The following ARHGEF33 variants were observed in gnomAD, a reference collection of about 807,000 sequenced individuals.
ARHGEF33 encodes the protein DH and coiled-coil domain-containing protein ENSP00000381780.
A neutral mutation model predicts 101.9 loss-of-function variants in ARHGEF33; 72 were observed. The observed-to-expected ratio is 0.71, with a 90% confidence interval of 0.58 to 0.86. The LOEUF is 0.86. Among genes scored for constraint, ARHGEF33 ranks in the 40% least tolerant of loss-of-function variants. ARHGEF33 has a pLI of 0.00. For synonymous variants in ARHGEF33, 499 were observed against 442.5 expected (o/e 1.13, Z -1.60); for missense variants, 1,169 against 1,111.3 (o/e 1.05, Z -0.74).
intron 16 of ARHGEF33, among the ~76,000 whole-genome samples, chr2:38,963,160 ATATG>A (rs985274242): frequency 6.6e-6 from 1 of 152,094 alleles, no homozygotes; most frequent in African/African-American, 2.4e-5. Flanking sequence ...CTAAGTATAT[ATATG>A]CATGTTTGTG....
chr2:38,909,506 T>C (rs1418260731), intron 2 of ARHGEF33, among the ~76,000 whole-genome samples: 1 of 149,424 alleles, frequency 6.7e-6, no homozygotes, highest in Non-Finnish European at 1.5e-5. Flanking sequence ...TTTTTTTTTT[T>C]TTTTGTATTT....
chr2:38,891,963 C>A (rs1666014915), intron 1 of ARHGEF33, among the ~76,000 whole-genome samples: 1 of 152,144 alleles, frequency 6.6e-6, no homozygotes, highest in Non-Finnish European at 1.5e-5. Context: ...AGAGAGCACT[C>A]TTCTGATTGG....
intron 2 of ARHGEF33, among the ~76,000 whole-genome samples, chr2:38,902,335 A>C (rs1292818301): frequency 6.6e-6 from 1 of 152,146 alleles, no homozygotes; most frequent in East Asian, 1.9e-4. Context: ...ATTTTATACC[A>C]CTTACTTCTG....
rs976894833 is a variant in ARHGEF33, at chr2:38,975,112, C to T, written c.*1269C>T. 2 of 152,156 alleles carry T rather than the reference C, an allele frequency of 1.3e-5. No individual in the cohort carries two copies. The highest frequency in any genetic ancestry group is 4.8e-5 in the African/African-American group (2 of 41,410). 9.4% of individuals were successfully genotyped at this position (152,156 alleles called of 1,614,324 possible). On this transcript the variant is annotated 3_prime_UTR_variant, in exon 18 of 18. Transcript: ENST00000409978. ...AAACTGGTGTCTTCAGAAGCTGTTC[C>T]TCTATTGAAGCGTTTGTTGATAAAA... is the stretch of plus-strand genomic sequence containing the variant.
intron 17 of ARHGEF33, among the ~76,000 whole-genome samples, chr2:38,972,396 G>T (rs956052541): frequency 2.0e-5 from 3 of 152,142 alleles, no homozygotes; most frequent in African/African-American, 7.2e-5. Context: ...CAGATATCTT[G>T]CTTGATGAGT....
chr2:38,958,750 C>T (rs1402515084), intron 15 of ARHGEF33, among the ~76,000 whole-genome samples: 2 of 152,262 alleles, frequency 1.3e-5, no homozygotes, highest in African/African-American at 4.8e-5. Flanking sequence ...GGCATGATCT[C>T]AGCTCACTGC....
Position 38,904,280 on chromosome 2 carries a change from A to G in ARHGEF33, c.-86+8431A>G, listed in dbSNP as rs142731436. Among the ~76,000 whole-genome samples the G allele has an allele frequency of 2.4e-4, 36 of 152,294 alleles. 1 individual carries two copies. In the East Asian group the frequency reaches 6.9e-3, roughly 29 times the overall value. On this transcript the variant is annotated intron_variant, in intron 2 of 17. Transcript: ENST00000409978. ...CAGACCAGGCAGCAGGGAGAAGGAG[A>G]GACAAAGTAGAAATGCAAGTGGCAG...
At chr2:38,929,407 G>A (rs1298852256) in intron 5 of ARHGEF33, among the ~76,000 whole-genome samples, 6 of 151,712 alleles carry the variant, frequency 4.0e-5, no homozygotes, top group Middle Eastern at 3.2e-3. Flanking sequence ...CAGCCTGGGC[G>A]ACAGAGCAAG....
intron 3 of ARHGEF33, among the ~76,000 whole-genome samples, chr2:38,920,759 C>T (rs1163674039): frequency 6.6e-6 from 1 of 152,136 alleles, no homozygotes; most frequent in African/African-American, 2.4e-5. Flanking sequence ...CCCTGTGTTT[C>T]TCGAAGTCTA....
intron 4 of ARHGEF33, among the ~76,000 whole-genome samples, chr2:38,928,007 C>T (rs951972275): frequency 6.6e-6 from 1 of 152,152 alleles, no homozygotes; most frequent in Non-Finnish European, 1.5e-5. Flanking sequence ...TCTTGAACAT[C>T]TGTGTACCAA....
intron 17 of ARHGEF33, among the ~76,000 whole-genome samples, chr2:38,967,938 T>C (rs1261984485): frequency 9.2e-6 from 1 of 108,664 alleles, no homozygotes; most frequent in Non-Finnish European, 1.6e-5. Flanking sequence ...GAGCCTATCT[T>C]TTTTTTTTTT....
intron 16 of ARHGEF33, among the ~76,000 whole-genome samples, chr2:38,962,697 A>G (rs1210327993): frequency 1.3e-5 from 2 of 151,860 alleles, no homozygotes; most frequent in Admixed American, 6.6e-5. Context: ...TCTAGACACA[A>G]TTTTTCTTTC....
chr2:38,903,775 C>T (rs528411742), intron 2 of ARHGEF33, among the ~76,000 whole-genome samples: 1 of 152,366 alleles, frequency 6.6e-6, no homozygotes, highest in African/African-American at 2.4e-5. Context: ...TTGTTCTACT[C>T]ACCCAGTCTG....
At chr2:38,920,059 G>T (rs1257446781) in intron 3 of ARHGEF33, among the ~76,000 whole-genome samples, 1 of 152,172 alleles carries the variant, frequency 6.6e-6, no homozygotes, top group East Asian at 1.9e-4. Context: ...ATTTTATAGG[G>T]ACAGTCTTCT....
At chr2:38,933,155 T>C (rs764405061) in intron 7 of ARHGEF33, among the ~76,000 whole-genome samples, 3 of 152,166 alleles carry the variant, frequency 2.0e-5, no homozygotes, top group Non-Finnish European at 2.9e-5. Context: ...GCTCAAGGTC[T>C]CTCATTAAGG....
chr2:38,931,423 G>T, intron 7 of ARHGEF33, 172 bp downstream of exon 7: 1 of 552,152 alleles, frequency 1.8e-6, no homozygotes, highest in Non-Finnish European at 3.0e-6. Context: ...GACCACAAGA[G>T]TGCCCAGTTT....
chr2:38,964,538 T>A (rs554957807), intron 16 of ARHGEF33, among the ~76,000 whole-genome samples: 5 of 151,292 alleles, frequency 3.3e-5, no homozygotes, highest in African/African-American at 1.2e-4. Context: ...AGGCATTAGA[T>A]TCTCACAAGG....
chr2:38,933,817 A>G (rs1667065851), intron 7 of ARHGEF33, among the ~76,000 whole-genome samples: 1 of 152,206 alleles, frequency 6.6e-6, no homozygotes, highest in South Asian at 2.1e-4. Context: ...GGTGGGGATA[A>G]TTGGAGCCAT....
At position 38,953,253 on chromosome 2, in the gene ARHGEF33, A is replaced by G; in HGVS notation, c.1137+8A>G. ...GTTGTAGTCCTGAAAGAGGTGAGTT[A>G]ACGCCATATATATGCTATCCTTCAT... On this transcript the variant is annotated splice_region_variant and intron_variant, in intron 12 of 17. Coordinates refer to ENST00000409978, the MANE Select transcript of ARHGEF33 (RefSeq NM_001145451.5). The G allele has an allele frequency of 6.8e-7, 1 of 1,461,118 alleles. No homozygotes were observed. The highest frequency in any genetic ancestry group is 2.5e-5 in the East Asian group (1 of 40,502). The allele number at this position is 1,461,118 out of a possible 1,614,324, so 90.5% of individuals were successfully genotyped here.
Sources: gnomAD v4.1 joint callset for allele counts (sites outside exome capture counted in the v4.1 genomes callset) on GRCh38, gnomAD v4.1.1 for gene constraint, MANE v1.5 for transcripts, NCBI Gene and HGNC (gene_info 2026-07-23, HGNC 2026-07-21) for gene names.